The following GASK1A variants were observed in gnomAD, a reference collection of about 807,000 sequenced individuals.
GASK1A encodes Golgi-associated kinase 1A.
A neutral mutation model predicts 41.2 loss-of-function variants in GASK1A; 40 were observed. The observed-to-expected ratio is 0.97, with a 90% confidence interval of 0.75 to 1.27. The LOEUF is 1.27. Among genes scored for constraint, GASK1A ranks in the 50% most tolerant of loss-of-function variants. The pLI is 0.00. For synonymous variants in GASK1A, 316 were observed against 307.1 expected (o/e 1.03, Z -0.30); for missense variants, 678 against 745.1 (o/e 0.91, Z 1.05).
At chr3:43,053,003 G>A (rs890992193) in intron 2 of GASK1A, among the ~76,000 whole-genome samples, 2 of 152,176 alleles carry the variant, frequency 1.3e-5, no homozygotes, top group Admixed American at 1.3e-4. Flanking sequence ...CCTCAGAACT[G>A]ACTGCACACC....
chr3:42,992,936 T>C (rs2089349368), intron 1 of GASK1A, among the ~76,000 whole-genome samples: 1 of 152,238 alleles, frequency 6.6e-6, no homozygotes, highest in African/African-American at 2.4e-5. Context: ...TGAGATTGGT[T>C]ACAGCTTGGC....
intron 1 of GASK1A, among the ~76,000 whole-genome samples, chr3:43,030,882 A>T (rs897965177): frequency 6.6e-6 from 1 of 152,090 alleles, no homozygotes; most frequent in African/African-American, 2.4e-5. Flanking sequence ...CTGAGGATGG[A>T]CTTCACCTAC....
intron 1 of GASK1A, among the ~76,000 whole-genome samples, chr3:42,980,924 GGC>G (rs1387337546): frequency 6.6e-6 from 1 of 152,184 alleles, no homozygotes; most frequent in Non-Finnish European, 1.5e-5. Context: ...CCAGAACTCA[GGC>G]CACAGCCATC....
At chr3:43,042,095 C>T (rs984501271) in intron 2 of GASK1A, among the ~76,000 whole-genome samples, 1 of 152,110 alleles carries the variant, frequency 6.6e-6, no homozygotes, top group South Asian at 2.1e-4. Flanking sequence ...AGATTCGGGA[C>T]AATTTCTAGT....
At chr3:42,997,447 G>A (rs1285841907) in intron 1 of GASK1A, among the ~76,000 whole-genome samples, 2 of 148,752 alleles carry the variant, frequency 1.3e-5, no homozygotes, top group East Asian at 4.1e-4. Context: ...AGGGGGGGGG[G>A]ATCTGGGATC....
Position 43,025,921 on chromosome 3 carries a change from A to T in GASK1A, c.4-6346A>T, listed in dbSNP as rs1039772435. On this transcript the variant is annotated intron_variant, in intron 1 of 4. Coordinates refer to ENST00000430121, the MANE Select transcript of GASK1A (RefSeq NM_001129908.3). ...CAAAATGCAAATTCCTTTTTCAGATAAATTAGGAGGCAGTCACCAAAATAC... is the reference window on the plus strand; with the variant it reads ...CAAAATGCAAATTCCTTTTTCAGATTAATTAGGAGGCAGTCACCAAAATAC... 2.6e-5 allele frequency among the ~76,000 whole-genome samples: 4 copies of T among 152,222 alleles called. No homozygotes were observed. In the East Asian group the frequency reaches 7.7e-4, roughly 29 times the overall value.
Position 43,053,602 on chromosome 3 carries a change from A to G in GASK1A, c.1372A>G (p.Lys458Glu). The G allele has an allele frequency of 6.4e-7, 1 of 1,551,666 alleles. No homozygotes were observed. The highest frequency in any genetic ancestry group is 1.4e-5 in the African/African-American group (1 of 73,152). Residue 458 changes from lysine (K) to glutamate (E), a missense_variant, in exon 3 of 5, where the codon AAA becomes GAA. Transcript: ENST00000430121. ...CTGTGTGGAAGAGAGGCTCCGAGAG[A>G]AATGCCAGAACCCAGCCGAGCTGCG... ...DPCVEERLRE[K>E]CQNPAELRLV...
chr3:43,008,047 T>C (rs1344238912), intron 1 of GASK1A, among the ~76,000 whole-genome samples: 1 of 152,204 alleles, frequency 6.6e-6, no homozygotes, highest in Non-Finnish European at 1.5e-5. Context: ...CTTTTAGGCT[T>C]CTATAATAGC....
chr3:43,041,885 A>C (rs1321116078), intron 2 of GASK1A, among the ~76,000 whole-genome samples: 3 of 152,204 alleles, frequency 2.0e-5, no homozygotes, highest in Non-Finnish European at 4.4e-5. Context: ...GGCCAGGTGC[A>C]GGGGCTCATG....
At chr3:42,983,450 T>A (rs925411681) in intron 1 of GASK1A, among the ~76,000 whole-genome samples, 4 of 152,074 alleles carry the variant, frequency 2.6e-5, no homozygotes, top group Admixed American at 6.5e-5. Flanking sequence ...AAATTTACCC[T>A]CAAGTAGTTT....
At chr3:42,995,461 G>A (rs1673472238) in intron 1 of GASK1A, among the ~76,000 whole-genome samples, 1 of 152,094 alleles carries the variant, frequency 6.6e-6, no homozygotes, top group Non-Finnish European at 1.5e-5. Flanking sequence ...AAATATCCTG[G>A]ATTTTAAATA....
intron 1 of GASK1A, among the ~76,000 whole-genome samples, chr3:43,002,032 A>G (rs1041254172): frequency 2.6e-5 from 4 of 152,204 alleles, no homozygotes; most frequent in African/African-American, 9.6e-5. Context: ...CACAGCATAG[A>G]AAGCTTGCTG....
chr3:42,998,146 C>G (rs559550355), intron 1 of GASK1A, among the ~76,000 whole-genome samples: 6 of 152,268 alleles, frequency 3.9e-5, no homozygotes, highest in African/African-American at 1.4e-4. Flanking sequence ...ATGGAGGACA[C>G]TGATTGTGAT....
At chr3:43,036,759 G>A (rs2089606757) in intron 2 of GASK1A, among the ~76,000 whole-genome samples, 1 of 152,160 alleles carries the variant, frequency 6.6e-6, no homozygotes, top group Non-Finnish European at 1.5e-5. Context: ...CATCTAGGAG[G>A]ACCCTAGCAA....
At chr3:43,049,385 T>A (rs2089677839) in intron 2 of GASK1A, among the ~76,000 whole-genome samples, 1 of 152,206 alleles carries the variant, frequency 6.6e-6, no homozygotes, top group African/African-American at 2.4e-5. Context: ...ACCATAAAAT[T>A]ATTTCAAATT....
chr3:43,055,386 G>T, intron 3 of GASK1A, 46 bp from the exon 4 acceptor site: 1 of 1,408,964 alleles, frequency 7.1e-7, no homozygotes. Context: ...GCCAGCCGTA[G>T]CTGCACCCTT....
At chr3:42,985,586 T>TGTGTGG (rs1237908326) in intron 1 of GASK1A, among the ~76,000 whole-genome samples, 8,440 of 144,170 alleles carry the variant, frequency 0.059, 350 homozygotes, top group South Asian at 0.11. Context: ...TGTGTGTGTG[T>TGTGTGG]GGGCGGAGGC....
At chr3:43,034,850 C>T (rs1288495053) in intron 2 of GASK1A, among the ~76,000 whole-genome samples, 1 of 152,186 alleles carries the variant, frequency 6.6e-6, no homozygotes, top group Non-Finnish European at 1.5e-5. Context: ...TTGGAGGTTG[C>T]CATACTCTCC....
chr3:43,043,267 C>T (rs1317650203), intron 2 of GASK1A, among the ~76,000 whole-genome samples: 4 of 152,202 alleles, frequency 2.6e-5, no homozygotes, highest in Admixed American at 2.6e-4. Context: ...GCAGATGGCT[C>T]TTCTGGACTC....
Sources: allele counts gnomAD v4.1 joint callset (sites outside exome capture counted in the v4.1 genomes callset), GRCh38; gene constraint gnomAD v4.1.1; transcripts MANE v1.5; gene names NCBI Gene and HGNC (gene_info 2026-07-23, HGNC 2026-07-21).